MDGA2: variants seen among roughly 807,000 people sequenced by gnomAD.
MDGA2 encodes MAM domain-containing glycosylphosphatidylinositol anchor protein 2.
In MDGA2, 40 loss-of-function variants were observed where a neutral mutation model predicts 117.8. The observed-to-expected ratio is 0.34, with a 90% CI of 0.26 to 0.44. The LOEUF (loss-of-function observed/expected upper bound fraction) is 0.44, where lower values mean the gene tolerates loss of function less well. MDGA2 is among the 20% of genes least tolerant of loss of function. The pLI is 1.00. For synonymous variants in MDGA2, 452 were observed against 439.0 expected (o/e 1.03, Z -0.37); for missense variants, 1,123 against 1,250.6 (o/e 0.90, Z 1.54).
At chr14:47,596,913 A>G (rs1379754216) in intron 1 of MDGA2, among the ~76,000 whole-genome samples, 2 of 152,158 alleles carry the variant, frequency 1.3e-5, no homozygotes, top group East Asian at 3.9e-4. Flanking sequence ...GCCTGTATCC[A>G]TAACTAATAT....
chr14:46,980,891 A>G (rs1886645089), intron 8 of MDGA2, among the ~76,000 whole-genome samples: 1 of 152,212 alleles, frequency 6.6e-6, no homozygotes, highest in Non-Finnish European at 1.5e-5. Context: ...TCACTAGGAA[A>G]CCAAAAAATT....
chr14:47,634,156 A>ATTTG (rs1897284799), intron 1 of MDGA2, among the ~76,000 whole-genome samples: 1 of 152,156 alleles, frequency 6.6e-6, no homozygotes. Flanking sequence ...CAAATGCACC[A>ATTTG]TTTGTTGTAA....
At position 47,479,640 on chromosome 14, in the gene MDGA2, C is replaced by T. The variant is rs1446728050; in HGVS notation, c.281-178090G>A. ...TCTTCTTGGCATCTAACCTTCATTACAGGGATATTTCATAGAGGCACTTAG... is the reference window on the plus strand; with the variant it reads ...TCTTCTTGGCATCTAACCTTCATTATAGGGATATTTCATAGAGGCACTTAG... On this transcript the variant is annotated intron_variant, in intron 1 of 16. Coordinates refer to ENST00000399232, the MANE Select transcript of MDGA2 (RefSeq NM_001113498.3). Among the ~76,000 whole-genome samples, 8 of 152,066 alleles carry T rather than the reference C, an allele frequency of 5.3e-5. No individual in the cohort carries two copies. In the South Asian group the frequency reaches 1.7e-3, roughly 32 times the overall value.
chr14:47,667,407 G>A (rs535151162), intron 1 of MDGA2, among the ~76,000 whole-genome samples: 19 of 152,282 alleles, frequency 1.2e-4, no homozygotes, highest in African/African-American at 3.1e-4. Flanking sequence ...CAATCCATCA[G>A]TGAGAAGAGT....
chr14:46,902,170 T>G (rs907540483), intron 10 of MDGA2, among the ~76,000 whole-genome samples: 2 of 152,212 alleles, frequency 1.3e-5, no homozygotes, highest in Admixed American at 1.3e-4. Context: ...ACATCTATTT[T>G]TAGTTTAGTT....
intron 8 of MDGA2, among the ~76,000 whole-genome samples, chr14:46,986,300 G>A (rs539364121): frequency 1.3e-5 from 2 of 152,166 alleles, no homozygotes; most frequent in Admixed American, 6.6e-5. Flanking sequence ...AGTTTTATCA[G>A]CTACCTCTAC....
rs147248956 is a variant in MDGA2, at chr14:47,466,508, G to A, written c.281-164958C>T. 6.1e-3 allele frequency among the ~76,000 whole-genome samples: 928 copies of A among 152,206 alleles called. 6 individuals are homozygous for A. Among genetic ancestry groups the A allele is most frequent in the South Asian group, 0.011 (53 of 4,828 alleles). Reference sequence around the variant, plus strand: ...ACCAGGTTTATCCTCAAGAAACAGAGAAGAAACTTCTTTTCCAATTTTCCA... The same window carrying A: ...ACCAGGTTTATCCTCAAGAAACAGAAAAGAAACTTCTTTTCCAATTTTCCA... On this transcript the variant is annotated intron_variant, in intron 1 of 16. Coordinates refer to ENST00000399232, the MANE Select transcript of MDGA2 (RefSeq NM_001113498.3).
intron 2 of MDGA2, among the ~76,000 whole-genome samples, chr14:47,281,243 G>A (rs2139736931): frequency 6.6e-6 from 1 of 151,162 alleles, no homozygotes; most frequent in Non-Finnish European, 1.5e-5. Flanking sequence ...ATTGCATAAG[G>A]ATGACATGAC....
intron 1 of MDGA2, among the ~76,000 whole-genome samples, chr14:47,639,085 T>C (rs542159036): frequency 6.6e-6 from 1 of 152,192 alleles, no homozygotes; most frequent in East Asian, 1.9e-4. Context: ...CTGGCTACTT[T>C]ACTTTAATTA....
chr14:47,161,927 C>CTTTTTTTTTTTTT (rs71112489), intron 3 of MDGA2, among the ~76,000 whole-genome samples: 1 of 52,472 alleles, frequency 1.9e-5, no homozygotes, highest in Non-Finnish European at 3.5e-5. Flanking sequence ...TCCCCAGATC[C>CTTTTTTTTTTTTT]TTTTTTTTTT....
At chr14:47,257,233 T>C (rs1340545831) in intron 2 of MDGA2, among the ~76,000 whole-genome samples, 2 of 152,112 alleles carry the variant, frequency 1.3e-5, no homozygotes, top group Non-Finnish European at 2.9e-5. Flanking sequence ...TCAGATCTTA[T>C]CTCCTACACT....
chr14:47,603,394 T>C (rs772678423), intron 1 of MDGA2, among the ~76,000 whole-genome samples: 1 of 152,176 alleles, frequency 6.6e-6, no homozygotes, highest in Non-Finnish European at 1.5e-5. Context: ...CTTCAAATTG[T>C]ATACCATAGA....
In MDGA2 at chr14:47,512,166, C is replaced by A. The variant is rs139944390; in HGVS notation, c.280+162351G>T. ...ACTGACTTAGTATTTTATTTTCTTT[C>A]TAAGTTCAGGTGGCATATGTGGACA... is the stretch of plus-strand genomic sequence containing the variant. On this transcript the variant is annotated intron_variant, in intron 1 of 16. Coordinates refer to ENST00000399232, the MANE Select transcript of MDGA2 (RefSeq NM_001113498.3). Among the ~76,000 whole-genome samples the A allele has an allele frequency of 1.1e-4, 16 of 152,220 alleles. No individual in the cohort carries two copies. In the East Asian group the frequency reaches 2.7e-3, roughly 26 times the overall value.
chr14:46,859,331 T>C (rs1323654980), intron 14 of MDGA2, among the ~76,000 whole-genome samples: 1 of 152,212 alleles, frequency 6.6e-6, no homozygotes, highest in Non-Finnish European at 1.5e-5. Context: ...TGCTGTATTA[T>C]AAGTCTTGGT....
At chr14:47,180,442 A>G (rs1417725385) in intron 3 of MDGA2, among the ~76,000 whole-genome samples, 1 of 152,128 alleles carries the variant, frequency 6.6e-6, no homozygotes, top group African/African-American at 2.4e-5. Flanking sequence ...TTTTTTGCAA[A>G]CTATGCGTCT....
intron 9 of MDGA2, among the ~76,000 whole-genome samples, chr14:46,956,453 A>T (rs1885564930): frequency 6.6e-6 from 1 of 152,260 alleles, no homozygotes; most frequent in East Asian, 1.9e-4. Context: ...CTAATTTACT[A>T]TCTGTCAGAT....
chr14:47,504,631 C>G (rs904473382), intron 1 of MDGA2, among the ~76,000 whole-genome samples: 4 of 151,838 alleles, frequency 2.6e-5, no homozygotes, highest in African/African-American at 9.7e-5. Flanking sequence ...CAAATCAACA[C>G]CACAATGAGA....
At chr14:47,202,857 A>C (rs1166360529) in intron 3 of MDGA2, among the ~76,000 whole-genome samples, 1 of 152,128 alleles carries the variant, frequency 6.6e-6, no homozygotes, top group Non-Finnish European at 1.5e-5. Context: ...TACTGAATAC[A>C]TACTTGTGGG....
At chr14:47,292,402 A>T (rs894292923) in intron 2 of MDGA2, among the ~76,000 whole-genome samples, 3 of 152,068 alleles carry the variant, frequency 2.0e-5, no homozygotes, top group Non-Finnish European at 4.4e-5. Flanking sequence ...CCAATTATGT[A>T]CTTGGGAGTC....
Sources: gnomAD v4.1 joint callset for allele counts (sites outside exome capture counted in the v4.1 genomes callset) on GRCh38, gnomAD v4.1.1 for gene constraint, MANE v1.5 for transcripts, NCBI Gene and HGNC (gene_info 2026-07-23, HGNC 2026-07-21) for gene names.